The following EBF1 variants were observed in gnomAD, a reference collection of about 807,000 sequenced individuals.
The protein encoded by EBF1 is EBF transcription factor 1, also known as transcription factor COE1.
Under a neutral mutation model 68.4 loss-of-function variants are expected in EBF1, and 10 were observed. The observed-to-expected ratio is 0.15, with a 90% CI of 0.09 to 0.25. EBF1 has a LOEUF of 0.25. Ranked by LOEUF, EBF1 falls within the 10% of genes least tolerant of loss-of-function variation. EBF1 has a pLI of 1.00. For synonymous variants in EBF1, 298 were observed against 299.8 expected, an observed-to-expected ratio of 0.99 and a Z score of 0.06; for missense variants, 509 against 794.4, an observed-to-expected ratio of 0.64 and a Z score of 4.32.
intron 6 of EBF1, among the ~76,000 whole-genome samples, chr5:159,052,548 C>CA (rs1158050517): frequency 6.6e-6 from 1 of 152,170 alleles, no homozygotes; most frequent in Non-Finnish European, 1.5e-5. Context: ...TGATCCTTTG[C>CA]AATACCAGCC....
intron 10 of EBF1, among the ~76,000 whole-genome samples, chr5:158,743,619 A>T (rs985250088): frequency 6.6e-6 from 1 of 152,238 alleles, no homozygotes; most frequent in Non-Finnish European, 1.5e-5. Flanking sequence ...GTGGTCATGG[A>T]GGAAAAAGTA....
intron 6 of EBF1, among the ~76,000 whole-genome samples, chr5:159,020,578 C>T (rs143158938): frequency 1.2e-3 from 179 of 152,298 alleles, no homozygotes; most frequent in Admixed American, 2.2e-3. Context: ...ATTTCCTGCA[C>T]GCTCTGTGGC....
At chr5:159,076,030 C>T (rs537413993) in intron 5 of EBF1, among the ~76,000 whole-genome samples, 1 of 144,734 alleles carries the variant, frequency 6.9e-6, no homozygotes, top group African/African-American at 2.6e-5. Context: ...TTAGGTTTTT[C>T]CTGTTTTTTT....
At chr5:158,765,672 G>T (rs995249077) in intron 10 of EBF1, among the ~76,000 whole-genome samples, 4 of 152,116 alleles carry the variant, frequency 2.6e-5, no homozygotes, top group Admixed American at 2.0e-4. Context: ...CTCTTCTGTT[G>T]TTGTTTCTGC....
chr5:158,922,940 C>T (rs1408613239), intron 6 of EBF1, among the ~76,000 whole-genome samples: 3 of 152,174 alleles, frequency 2.0e-5, no homozygotes, highest in Non-Finnish European at 4.4e-5. Flanking sequence ...ATTCAAGTGG[C>T]CACTTGTATC....
intron 7 of EBF1, among the ~76,000 whole-genome samples, chr5:158,830,690 T>C (rs1436248678): frequency 2.0e-5 from 3 of 152,210 alleles, no homozygotes; most frequent in African/African-American, 7.2e-5. Flanking sequence ...TACATAAAAA[T>C]AGTTTGCAGC....
At chr5:158,769,052 G>A (rs1773354735) in intron 10 of EBF1, among the ~76,000 whole-genome samples, 1 of 152,102 alleles carries the variant, frequency 6.6e-6, no homozygotes, top group Non-Finnish European at 1.5e-5. Flanking sequence ...GAAATTTATA[G>A]TTTAGAAATG....
intron 8 of EBF1, among the ~76,000 whole-genome samples, chr5:158,800,630 C>T (rs796739333): frequency 3.9e-5 from 6 of 152,272 alleles, no homozygotes; most frequent in South Asian, 2.1e-4. Context: ...CCCTGAGCCT[C>T]CCCTTCTCTC....
chr5:158,795,043 C>T (rs955724295), intron 9 of EBF1, among the ~76,000 whole-genome samples: 1 of 152,174 alleles, frequency 6.6e-6, no homozygotes, highest in Non-Finnish European at 1.5e-5. Context: ...AAGGCAGCAG[C>T]AGCACAAGCT....
At chr5:158,758,202 G>A (rs1372736437) in intron 10 of EBF1, among the ~76,000 whole-genome samples, 1 of 152,190 alleles carries the variant, frequency 6.6e-6, no homozygotes, top group East Asian at 1.9e-4. Context: ...GCAAGGTCTT[G>A]ACTCTTGATC....
At chr5:158,766,819 A>G (rs1045722694) in intron 10 of EBF1, among the ~76,000 whole-genome samples, 6 of 152,306 alleles carry the variant, frequency 3.9e-5, no homozygotes, top group Middle Eastern at 3.4e-3. Context: ...ACGCAAAACT[A>G]TATAAACCTA....
At position 158,952,148 on chromosome 5, in the gene EBF1, C is replaced by CCGATTAAACTAT. The variant is rs1816153289; in HGVS notation, c.555-112050_555-112039dup. Among the ~76,000 whole-genome samples the CCGATTAAACTAT allele has an allele frequency of 2.6e-5, 4 of 152,048 alleles. No homozygotes were observed. In the South Asian group the frequency reaches 8.3e-4, roughly 31 times the overall value. ...AGTATTCCCCCTGTAGAAGGTGTTG[C>CCGATTAAACTAT]CGATTAAACTATCACATTTCAAAGA... is the stretch of plus-strand genomic sequence containing the variant. On this transcript the variant is annotated intron_variant, in intron 6 of 15. Transcript: ENST00000313708.
intron 6 of EBF1, among the ~76,000 whole-genome samples, chr5:158,951,800 G>A: frequency 6.6e-6 from 1 of 152,164 alleles, no homozygotes; most frequent in East Asian, 1.9e-4. Flanking sequence ...CTGACTTACA[G>A]GTCAGAGACA....
At chr5:158,711,526 G>A (rs1012370850) in intron 14 of EBF1, among the ~76,000 whole-genome samples, 1 of 152,172 alleles carries the variant, frequency 6.6e-6, no homozygotes, top group African/African-American at 2.4e-5. Flanking sequence ...TTACAGATGA[G>A]AAAATTGAGG....
chr5:158,823,395 A>C (rs1300855436), intron 7 of EBF1, 78 bp from the exon 8 acceptor site: 1 of 1,398,804 alleles, frequency 7.1e-7, no homozygotes. Context: ...TAAATAAATA[A>C]CAGCTGGGAG....
At chr5:158,727,408 C>T (rs1408751173) in intron 11 of EBF1, among the ~76,000 whole-genome samples, 1 of 152,172 alleles carries the variant, frequency 6.6e-6, no homozygotes, top group African/African-American at 2.4e-5. Context: ...TCACTGCGGC[C>T]ATCAGCATCT....
chr5:159,006,677 G>A (rs1302784334), intron 6 of EBF1, among the ~76,000 whole-genome samples: 980 of 22,314 alleles, frequency 0.044, no homozygotes, highest in Non-Finnish European at 0.055. Flanking sequence ...AAAAAAAAAA[G>A]CCTGGGAATC....
intron 9 of EBF1, among the ~76,000 whole-genome samples, chr5:158,789,204 A>C (rs566654793): frequency 6.6e-6 from 1 of 152,318 alleles, no homozygotes; most frequent in East Asian, 1.9e-4. Flanking sequence ...GACATGAAAC[A>C]TATTTAGAAA....
chr5:158,953,188 G>T (rs566327312), intron 6 of EBF1, among the ~76,000 whole-genome samples: 4 of 152,288 alleles, frequency 2.6e-5, no homozygotes, highest in Admixed American at 2.6e-4. Context: ...GTCTGGGACC[G>T]TCAAACCCTT....
Sources: gnomAD v4.1 joint callset for allele counts (sites outside exome capture counted in the v4.1 genomes callset) on GRCh38, gnomAD v4.1.1 for gene constraint, MANE v1.5 for transcripts, NCBI Gene and HGNC (gene_info 2026-07-23, HGNC 2026-07-21) for gene names.